BLTP3B: variants seen among roughly 807,000 people sequenced by gnomAD.
The protein encoded by BLTP3B is bridge-like lipid transfer protein family member 3B.
At chr12:100,105,086 A>G in the BLTP3B span, among the ~76,000 whole-genome samples, 1 of 152,094 alleles carries the variant, frequency 6.6e-6, no homozygotes, top group Non-Finnish European at 1.5e-5. Flanking sequence ...CAAATTCAAC[A>G]CAATTCTTCT....
At chr12:100,055,852 C>A in the BLTP3B span, among the ~76,000 whole-genome samples, 1 of 152,060 alleles carries the variant, frequency 6.6e-6, no homozygotes, top group Admixed American at 6.6e-5. Context: ...ACATAGTAGA[C>A]AATAGGCTCT....
chr12:100,083,703 AGTAGTAGTATCACACTGTACCTC>A, the BLTP3B span, among the ~76,000 whole-genome samples: 27 of 151,286 alleles, frequency 1.8e-4, no homozygotes, highest in South Asian at 1.7e-3. Context: ...AAAAAAAAAA[AGTAGTAGTATCACACTGTACCTC>A]ATAAATACGT....
chr12:100,114,229 C>T, the BLTP3B span, among the ~76,000 whole-genome samples: 1 of 152,054 alleles, frequency 6.6e-6, no homozygotes, highest in African/African-American at 2.4e-5. Flanking sequence ...TTTTAACATA[C>T]TTCCTTGGTT....
At chr12:100,093,228 T>C in the BLTP3B span, among the ~76,000 whole-genome samples, 8 of 152,202 alleles carry the variant, frequency 5.3e-5, no homozygotes, top group African/African-American at 1.9e-4. Flanking sequence ...CATGGATGAA[T>C]AATTTATTGG....
chr12:100,057,283 A>T, the BLTP3B span, among the ~76,000 whole-genome samples: 13 of 152,310 alleles, frequency 8.5e-5, no homozygotes, highest in South Asian at 2.7e-3. Context: ...AAACAATGGA[A>T]CAACCATTAG....
At chr12:100,041,038 G>A in the BLTP3B span, among the ~76,000 whole-genome samples, 1 of 152,128 alleles carries the variant, frequency 6.6e-6, no homozygotes, top group Non-Finnish European at 1.5e-5. Flanking sequence ...CCAATATGCT[G>A]AAGAATATAG....
the BLTP3B span, among the ~76,000 whole-genome samples, chr12:100,105,224 C>G: frequency 6.6e-6 from 1 of 152,048 alleles, no homozygotes; most frequent in African/African-American, 2.4e-5. Flanking sequence ...CATCACATTA[C>G]CCAACTTCAA....
At chr12:100,073,518 C>G in the BLTP3B span, among the ~76,000 whole-genome samples, 2 of 151,348 alleles carry the variant, frequency 1.3e-5, no homozygotes, top group Admixed American at 1.3e-4. Flanking sequence ...TAGGTTGGTG[C>G]AAAAGTAATT....
chr12:100,053,018 C>T, the BLTP3B span, among the ~76,000 whole-genome samples: 5 of 151,650 alleles, frequency 3.3e-5, no homozygotes, highest in South Asian at 1.0e-3. Flanking sequence ...TGGTCTCCAT[C>T]TCCTGACTTC....
the BLTP3B span, among the ~76,000 whole-genome samples, chr12:100,048,758 G>A: frequency 1.5e-5 from 2 of 131,558 alleles, no homozygotes; most frequent in African/African-American, 3.0e-5. Flanking sequence ...GAGAGAGAGA[G>A]AGAGTGAGAG....
the BLTP3B span, among the ~76,000 whole-genome samples, chr12:100,040,466 G>A: frequency 4.6e-5 from 7 of 152,178 alleles, no homozygotes; most frequent in Non-Finnish European, 8.8e-5. Context: ...TGGATCACCT[G>A]AGGTCAGGAG....
At chr12:100,082,348 G>A in the BLTP3B span, among the ~76,000 whole-genome samples, 2 of 152,182 alleles carry the variant, frequency 1.3e-5, no homozygotes, top group African/African-American at 4.8e-5. Flanking sequence ...CTCCCATTCT[G>A]TAGGATGTCT....
chr12:100,084,550 T>G, the BLTP3B span: 2 of 1,614,114 alleles, frequency 1.2e-6, no homozygotes, highest in Non-Finnish European at 1.7e-6. Context: ...CTTCACAGCC[T>G]GTTTAAGCAT....
At chr12:100,061,687 T>C in the BLTP3B span, among the ~76,000 whole-genome samples, 11 of 150,020 alleles carry the variant, frequency 7.3e-5, no homozygotes, top group Non-Finnish European at 1.6e-4. Context: ...GAAAGATCTA[T>C]ATGCAGTTTC....
At chr12:100,060,751 T>C in the BLTP3B span, among the ~76,000 whole-genome samples, 1 of 152,196 alleles carries the variant, frequency 6.6e-6, no homozygotes, top group Non-Finnish European at 1.5e-5. Context: ...TTTTCTACCA[T>C]AAAAGACATT....
the BLTP3B span, among the ~76,000 whole-genome samples, chr12:100,124,106 ATTT>A: frequency 2.8e-5 from 4 of 144,630 alleles, no homozygotes; most frequent in Admixed American, 2.1e-4. Flanking sequence ...CTCTACGAGA[ATTT>A]TTTTTTTTTT....
the BLTP3B span, among the ~76,000 whole-genome samples, chr12:100,077,329 G>T: frequency 6.6e-6 from 1 of 152,202 alleles, no homozygotes; most frequent in African/African-American, 2.4e-5. Flanking sequence ...TATAGCCTAG[G>T]AGTTTAAGTA....
At chr12:100,124,972 A>T in the BLTP3B span, among the ~76,000 whole-genome samples, 2 of 86,906 alleles carry the variant, frequency 2.3e-5, no homozygotes, top group Admixed American at 1.1e-4. Context: ...ATATATATAT[A>T]TATATATTTA....
chr12:100,117,333 C>A, the BLTP3B span, among the ~76,000 whole-genome samples: 260 of 152,226 alleles, frequency 1.7e-3, 1 homozygote, highest in African/African-American at 5.8e-3. Context: ...ATAATATGTA[C>A]CCCTGATTTG....
Sources: allele counts gnomAD v4.1 joint callset (sites outside exome capture counted in the v4.1 genomes callset), GRCh38; gene constraint gnomAD v4.1.1; transcripts MANE v1.5; gene names NCBI Gene and HGNC (gene_info 2026-07-23, HGNC 2026-07-21).